The following MED1 variants were observed in gnomAD, a reference collection of about 807,000 sequenced individuals.
MED1 encodes the protein mediator complex subunit 1.
In MED1, 17 loss-of-function variants were observed where a neutral mutation model predicts 121.3. That is an observed-to-expected ratio of 0.14 (90% confidence interval 0.10 to 0.21). The LOEUF (loss-of-function observed/expected upper bound fraction) is 0.21. Among genes scored for constraint, MED1 ranks in the 10% least tolerant of loss-of-function variants. The pLI, the probability that MED1 is intolerant of heterozygous loss-of-function variation, is 1.00. For missense variants in MED1, 1,558 were observed against 1,919.4 expected (o/e 0.81, Z 3.52); for synonymous variants, 661 against 694.4 (o/e 0.95, Z 0.76).
intron 9 of MED1, among the ~76,000 whole-genome samples, chr17:39,428,501 T>C (rs900118106): frequency 6.6e-6 from 1 of 150,376 alleles, no homozygotes; most frequent in Non-Finnish European, 1.5e-5. Context: ...ATAATAATAA[T>C]AATTAGCCTG....
intron 16 of MED1, among the ~76,000 whole-genome samples, chr17:39,413,900 T>C (rs565180278): frequency 8.2e-6 from 1 of 121,302 alleles, no homozygotes; most frequent in East Asian, 2.4e-4. Flanking sequence ...ATTACTCTCA[T>C]AGTAATATCA....
intron 16 of MED1, among the ~76,000 whole-genome samples, chr17:39,413,166 C>A (rs980316005): frequency 6.6e-6 from 1 of 152,000 alleles, no homozygotes; most frequent in Admixed American, 6.6e-5. Flanking sequence ...CCTCCGCCTC[C>A]CAGGTTCAAG....
chr17:39,446,104 G>A lies in MED1; in HGVS notation c.132+1694C>T, dbSNP rs373369001. ...AATCCTAACACTTTGGGAGGCCAAA[G>A]TGGGTGGATCACTTGAGCCCACAAG... is the stretch of plus-strand genomic sequence containing the variant. On this transcript the variant is annotated intron_variant, in intron 2 of 16. Transcript: ENST00000300651. 1.2e-3 allele frequency among the ~76,000 whole-genome samples: 189 copies of A among 151,664 alleles called. 1 individual carries two copies. The highest frequency in any genetic ancestry group is 4.3e-3 in the African/African-American group (178 of 41,354).
intron 2 of MED1, among the ~76,000 whole-genome samples, 196 bp downstream of exon 2, chr17:39,447,602 A>G (rs1475455063): frequency 6.6e-6 from 1 of 152,128 alleles, no homozygotes; most frequent in Non-Finnish European, 1.5e-5. Flanking sequence ...CCAAAATCTA[A>G]AACACTTCCG....
At chr17:39,424,854 G>A (rs2048500033) in intron 10 of MED1, 116 bp from the exon 11 acceptor site, 3 of 650,908 alleles carry the variant, frequency 4.6e-6, no homozygotes, top group Non-Finnish European at 8.1e-6. Flanking sequence ...ATCAGATGCT[G>A]TTATTCCCTT....
Position 39,443,549 on chromosome 17 carries a change from C to A in MED1, c.211+1G>T. The stretch of plus-strand genomic sequence containing the variant: ...AGCATATTTCAAAAGTGTTCACAAA[C>A]CTTTGAGAGCCTTCTGCAATGTCTC... On this transcript the variant is annotated splice_donor_variant, in intron 3 of 16. Coordinates refer to ENST00000300651, the MANE Select transcript of MED1 (RefSeq NM_004774.4). LOFTEE classifies it high-confidence loss of function. The A allele has an allele frequency of 6.2e-7, 1 of 1,612,262 alleles. No homozygotes were observed. Among genetic ancestry groups the A allele is most frequent in the Non-Finnish European group, 8.5e-7 (1 of 1,178,418 alleles).
intron 8 of MED1, 96 bp from the exon 9 acceptor site, chr17:39,431,284 T>TC: frequency 1.1e-6 from 1 of 919,860 alleles, no homozygotes; most frequent in East Asian, 2.8e-5. Context: ...GTCTTGTCTT[T>TC]TTTTTTTTTT....
Position 39,424,705 on chromosome 17 carries a change from G to T in MED1, c.773C>A (p.Thr258Lys). 6.2e-7 allele frequency: 1 copy of T among 1,611,002 alleles called. No individual in the cohort carries two copies. Among genetic ancestry groups the T allele is most frequent in the Non-Finnish European group, 8.5e-7 (1 of 1,178,318 alleles). The change falls in exon 11 of 17, where the codon ACA becomes AAA. Residue 258 changes from threonine (T) to lysine (K), a missense_variant. Physicochemically the swap from Thr to Lys is moderately conservative, Grantham distance 78. Transcript: ENST00000300651. ...SRSLGMNASV[T>K]IEGTSAVYKL... ...GTACACAGCAGATGTTCCTTCAATTGTCACTGATGCATTCATGCCCAAAGA... is the reference window on the plus strand; with the variant it reads ...GTACACAGCAGATGTTCCTTCAATTTTCACTGATGCATTCATGCCCAAAGA...
intron 7 of MED1, among the ~76,000 whole-genome samples, 154 bp downstream of exon 7, chr17:39,434,095 A>T (rs1316196661): frequency 6.6e-6 from 1 of 152,184 alleles, no homozygotes; most frequent in African/African-American, 2.4e-5. Context: ...TATCTTTGAA[A>T]GGCCCAATGT....
At chr17:39,434,018 C>T (rs561070401) in intron 7 of MED1, among the ~76,000 whole-genome samples, 51 of 152,230 alleles carry the variant, frequency 3.4e-4, no homozygotes, top group African/African-American at 1.2e-3. Context: ...GAATGTTGGA[C>T]ATCTCAAAGA....
At chr17:39,420,683 G>T (rs117052494) in intron 13 of MED1, among the ~76,000 whole-genome samples, 358 of 151,842 alleles carry the variant, frequency 2.4e-3, no homozygotes, top group Admixed American at 4.6e-3. Flanking sequence ...TACCCAGGAT[G>T]GAGTACAATT....
At position 39,407,502 on chromosome 17, in the gene MED1, A is replaced by G. The variant is rs1415739910; in HGVS notation, c.4719T>C (p.Leu1573=). 1.2e-6 allele frequency: 2 copies of G among 1,610,122 alleles called. No homozygotes were observed. The highest frequency in any genetic ancestry group is 2.2e-5 in the South Asian group (2 of 90,594). ...DFMIGEEDDD[L]MDVALIGN is the part of the protein sequence containing the mutation. ...AATTCCCAATCAGGGCCACATCCAT[A>G]AGATCATCATCTTCCTCCCCAATCA... Residue 1573 remains leucine (L), a synonymous_variant, in exon 17 of 17, where the codon CTT becomes CTC. Transcript: ENST00000300651.
At chr17:39,446,987 C>G (rs1312742750) in intron 2 of MED1, among the ~76,000 whole-genome samples, 3 of 152,130 alleles carry the variant, frequency 2.0e-5, no homozygotes, top group Non-Finnish European at 4.4e-5. Context: ...CATACCTAAT[C>G]TGAAAATCAA....
Position 39,407,459 on chromosome 17 carries a change from T to C in MED1, c.*16A>G, listed in dbSNP as rs2048313362. On this transcript the variant is annotated 3_prime_UTR_variant, in exon 17 of 17. Transcript: ENST00000300651. ...TTTTTTTCCTCTGGCCCTGTTTCTT[T>C]TAGGAAATAAGGTTCCTAATTCCCA... 1 of 1,580,070 alleles carries C rather than the reference T, an allele frequency of 6.3e-7. No individual in the cohort carries two copies. Among genetic ancestry groups the C allele is most frequent in the Non-Finnish European group, 8.6e-7 (1 of 1,165,320 alleles).
At position 39,427,809 on chromosome 17, in the gene MED1, A is replaced by G. The variant is rs372779808; in HGVS notation, c.650-19T>C. The G allele has an allele frequency of 3.7e-4, 524 of 1,427,290 alleles. No individual in the cohort carries two copies. The highest frequency in any genetic ancestry group is 4.8e-4 in the Non-Finnish European group (495 of 1,022,916). 88.4% of individuals were successfully genotyped at this position (1,427,290 alleles called of 1,614,324 possible). On this transcript the variant is annotated intron_variant, in intron 9 of 16. Transcript: ENST00000300651. ...AAATGACCTATAAAAAATAAAACTCATAACTGTATCTTTATCAGGTAAATT... is the reference window on the plus strand; with the variant it reads ...AAATGACCTATAAAAAATAAAACTCGTAACTGTATCTTTATCAGGTAAATT...
Position 39,419,924 on chromosome 17 carries a change from CA to C in MED1, c.1096-7del. ...TGCTGCTGACCAGGAAGAGCCTGGG[CA>C]AAAAGAACAGTTAACGAGTGCTATT... On this transcript the variant is annotated splice_polypyrimidine_tract_variant and splice_region_variant and intron_variant, in intron 13 of 16. Coordinates refer to ENST00000300651, the MANE Select transcript of MED1 (RefSeq NM_004774.4). 1 of 1,612,190 alleles carries C rather than the reference CA, an allele frequency of 6.2e-7. No homozygotes were observed. Among genetic ancestry groups the C allele is most frequent in the Non-Finnish European group, 8.5e-7 (1 of 1,178,804 alleles).
At chr17:39,418,029 T>C (rs2144728868) in intron 14 of MED1, among the ~76,000 whole-genome samples, 1 of 120,260 alleles carries the variant, frequency 8.3e-6, no homozygotes, top group East Asian at 2.7e-4. Context: ...GAGGTTGCAG[T>C]GGGCCAAGAT....
rs1294872609 is a variant in MED1, at chr17:39,404,788, A to AATTC, written c.*2686_*2687insGAAT. On this transcript the variant is annotated 3_prime_UTR_variant, in exon 17 of 17. Coordinates refer to ENST00000300651, the MANE Select transcript of MED1 (RefSeq NM_004774.4). ...CACTTAATTTTCTGATCTAGGCCTG[A>AATTC]AGAAAGAAAATCTTTCAAGAGTCAC... 6.5e-6 allele frequency: 1 copy of AATTC among 154,682 alleles called. No homozygotes were observed. Among genetic ancestry groups the AATTC allele is most frequent in the African/African-American group, 2.4e-5 (1 of 41,470 alleles). The allele number at this position is 154,682 out of a possible 1,614,324, so 9.6% of individuals were successfully genotyped here. A position where few individuals can be genotyped will look rare whatever the true frequency, so the allele number is the denominator to read the frequency against.
intron 14 of MED1, among the ~76,000 whole-genome samples, chr17:39,418,519 T>TCAAAAA (rs2048431812): frequency 6.6e-6 from 1 of 150,768 alleles, no homozygotes; most frequent in Non-Finnish European, 1.5e-5. Context: ...GGCAACAGAG[T>TCAAAAA]GAGACCCTGT....
Sources: allele counts gnomAD v4.1 joint callset (sites outside exome capture counted in the v4.1 genomes callset), GRCh38; gene constraint gnomAD v4.1.1; transcripts MANE v1.5; gene names NCBI Gene and HGNC (gene_info 2026-07-23, HGNC 2026-07-21).